LMO7: variants seen among roughly 807,000 people sequenced by gnomAD.
LMO7 encodes the protein LIM domain only protein 7.
A neutral mutation model predicts 206.5 loss-of-function variants in LMO7; 120 were observed. That is an observed-to-expected ratio of 0.58 (90% CI 0.50 to 0.68). The LOEUF (loss-of-function observed/expected upper bound fraction) is 0.68. Ranked by LOEUF, LMO7 falls within the 30% of genes least tolerant of loss-of-function variation. The probability of loss-of-function intolerance (pLI) is 0.00; values close to 1 mark genes in which losing one functional copy is unlikely to be tolerated. For missense variants in LMO7, 1,959 were observed against 1,957.9 expected (o/e 1.00, Z -0.01); for synonymous variants, 706 against 681.5 (o/e 1.04, Z -0.56).
At chr13:75,802,286 G>T (rs1159385722) in intron 7 of LMO7, among the ~76,000 whole-genome samples, 1 of 152,162 alleles carries the variant, frequency 6.6e-6, no homozygotes, top group Admixed American at 6.5e-5. Context: ...ACTGCCACAC[G>T]TATTGGCTGT....
rs1221155784 is a variant in LMO7 at position 75,622,446 on chromosome 13, T to C, written c.175+578T>C. The C allele has an allele frequency of 2.6e-5, 4 of 152,258 alleles. No individual in the cohort carries two copies. The East Asian group carries it at 7.7e-4, about 29-fold the overall frequency. 9.4% of individuals were successfully genotyped at this position (152,258 alleles called of 1,614,324 possible). On this transcript the variant is annotated intron_variant, in intron 1 of 29. Coordinates refer to the LMO7 transcript ENST00000341547. ...CTTTAGGTTTCTGTGTCCACTATTA[T>C]TAAGTCCTGCTGGAATTTACTTTGA... is the stretch of plus-strand genomic sequence containing the variant.
intron 1 of LMO7, among the ~76,000 whole-genome samples, chr13:75,703,823 A>G (rs1429095594): frequency 3.9e-5 from 6 of 152,136 alleles, no homozygotes; most frequent in Admixed American, 2.0e-4. Context: ...GACTTTTTCA[A>G]TCATTCTATT....
In LMO7 at chr13:75,841,734, AAGGAACCCGAGC is replaced by A; in HGVS notation, c.3787_3798del (p.Thr1263_Gly1266del). The A allele has an allele frequency of 6.2e-7, 1 of 1,614,068 alleles. No individual in the cohort carries two copies. The highest frequency in any genetic ancestry group is 8.5e-7 in the Non-Finnish European group (1 of 1,180,010). On this transcript the variant is annotated inframe_deletion, in exon 24 of 31. Transcript: ENST00000377534. ...GAAGGGTCCAAGTCTTCAGACAGAGAAGGAACCCGAGCAGGAGAAGAGGAGAGGAGACAGCCA... is the reference window on the plus strand; with the variant it reads ...GAAGGGTCCAAGTCTTCAGACAGAGAAGGAGAAGAGGAGAGGAGACAGCCA...
chr13:75,778,284 G>C (rs182664346), intron 4 of LMO7, among the ~76,000 whole-genome samples: 6 of 151,942 alleles, frequency 3.9e-5, no homozygotes, highest in African/African-American at 1.5e-4. Flanking sequence ...CCAGGCTGGA[G>C]TGCAGTGGTG....
At chr13:75,709,171 C>T (rs1235855738) in intron 1 of LMO7, among the ~76,000 whole-genome samples, 1 of 152,154 alleles carries the variant, frequency 6.6e-6, no homozygotes, top group Non-Finnish European at 1.5e-5. Context: ...TGTATATGTG[C>T]CACACTTTCT....
chr13:75,676,157 A>G (rs1279077194), intron 1 of LMO7, among the ~76,000 whole-genome samples: 1 of 152,196 alleles, frequency 6.6e-6, no homozygotes, highest in African/African-American at 2.4e-5. Flanking sequence ...GAATAAAATT[A>G]TGCTGTTATT....
At chr13:75,742,264 G>A (rs2046476987) in intron 3 of LMO7, among the ~76,000 whole-genome samples, 1 of 152,154 alleles carries the variant, frequency 6.6e-6, no homozygotes, top group Non-Finnish European at 1.5e-5. Flanking sequence ...AACATTTCAT[G>A]TTCATGAATT....
rs539395490 is a variant in LMO7 at position 75,732,993 on chromosome 13, CAGA to C, written c.210+5896_210+5898del. ...GATCGTTCCTCTGGAAGTTTTGTCT[CAGA>C]GGAGTTCCCAGCCATGTGAGGTGTC... is the stretch of plus-strand genomic sequence containing the variant. On this transcript the variant is annotated intron_variant, in intron 3 of 30. Coordinates refer to ENST00000377534, the MANE Select transcript of LMO7 (RefSeq NM_001306080.2). Among the ~76,000 whole-genome samples, 416 of 152,288 alleles carry C rather than the reference CAGA, an allele frequency of 2.7e-3. 3 individuals are homozygous for C. Among genetic ancestry groups the C allele is most frequent in the African/African-American group, 9.7e-3 (404 of 41,566 alleles).
chr13:75,811,887 T>G (rs1056697964), intron 11 of LMO7, among the ~76,000 whole-genome samples: 1 of 152,160 alleles, frequency 6.6e-6, no homozygotes, highest in African/African-American at 2.4e-5. Context: ...TAATAGGAAA[T>G]GAACACTGAT....
In LMO7 at chr13:75,843,021, T is replaced by A. The variant is rs527927978; in HGVS notation, c.4097+105T>A. The A allele has an allele frequency of 9.1e-5, 69 of 761,254 alleles. No individual in the cohort carries two copies. In the South Asian group the frequency reaches 1.0e-3, roughly 12 times the overall value. 47.2% of individuals were successfully genotyped at this position (761,254 alleles called of 1,614,324 possible). A position where few individuals can be genotyped will look rare whatever the true frequency, so the allele number is the denominator to read the frequency against. The stretch of plus-strand genomic sequence containing the variant: ...AGAACTACTTTAGCCCTTTGTCATT[T>A]GTGGGGTATAAAGAGGAATTGCTGG... On this transcript the variant is annotated intron_variant, in intron 25 of 30. Transcript: ENST00000377534.
upstream of LMO7, chr13:75,632,105 C>A (rs368091520): frequency 2.6e-4 from 40 of 152,160 alleles, 1 homozygote; most frequent in African/African-American, 9.2e-4. Context: ...TCTCAAATTC[C>A]TTTGAAAAAT....
chr13:75,811,208 C>CTTTT (rs764599899), intron 11 of LMO7, among the ~76,000 whole-genome samples: 1 of 130,700 alleles, frequency 7.7e-6, no homozygotes, highest in Non-Finnish European at 1.6e-5. Context: ...TTTTCTTTCT[C>CTTTT]TTTTTTTTTT....
At chr13:75,633,840 CCTTTT>C (rs1193065949), upstream of LMO7, among the ~76,000 whole-genome samples, 350 of 111,202 alleles carry the variant, frequency 3.1e-3, 4 homozygotes, top group East Asian at 0.01. Flanking sequence ...CGTGTCTTTT[CCTTTT>C]TTTTTTTTTT....
intron 4 of LMO7, among the ~76,000 whole-genome samples, chr13:75,761,701 T>C (rs931907627): frequency 1.3e-5 from 2 of 152,164 alleles, no homozygotes; most frequent in Admixed American, 1.3e-4. Flanking sequence ...TAAGCTCTTA[T>C]GATATTTATT....
intron 4 of LMO7, among the ~76,000 whole-genome samples, chr13:75,762,022 T>C (rs925761188): frequency 7.2e-5 from 11 of 152,268 alleles, no homozygotes; most frequent in South Asian, 4.1e-4. Context: ...TAACCAGCTA[T>C]GTAAGTATCT....
At chr13:75,819,591 A>G (rs1595277859) in intron 13 of LMO7, 56 bp downstream of exon 13, 7 of 1,443,326 alleles carry the variant, frequency 4.8e-6, no homozygotes, top group Non-Finnish European at 6.4e-6. Context: ...CAGTGTTATA[A>G]ATAGATATTT....
chr13:75,809,263 T>C, intron 11 of LMO7, 80 bp downstream of exon 11: 2 of 1,195,918 alleles, frequency 1.7e-6, no homozygotes, highest in Non-Finnish European at 2.5e-6. Context: ...TGGCATGGCA[T>C]GTCACTAAAT....
chr13:75,684,547 C>A (rs1304950980), intron 1 of LMO7, among the ~76,000 whole-genome samples: 1 of 128,962 alleles, frequency 7.8e-6, no homozygotes, highest in Non-Finnish European at 1.6e-5. Context: ...GCCCGGCCGG[C>A]TTTTTTTTTT....
In LMO7 at chr13:75,821,353, C is replaced by T. The variant is rs1375727451; in HGVS notation, c.2384C>T (p.Ser795Phe). 1.9e-6 allele frequency: 3 copies of T among 1,614,144 alleles called. No homozygotes were observed. The Admixed American group carries it at 5.0e-5, about 27-fold the overall frequency. Residue 795 changes from serine to phenylalanine, a missense_variant, in exon 14 of 31, where the codon TCT becomes TTT. Transcript: ENST00000377534. ...TYPSEIPKED[S>F]TTFAKREDRV... ...CCTTCAGAAATTCCCAAAGAAGATTCTACCACTTTTGCAAAAAGAGAGGAC... is the reference window on the plus strand; with the variant it reads ...CCTTCAGAAATTCCCAAAGAAGATTTTACCACTTTTGCAAAAAGAGAGGAC...
Sources: allele counts gnomAD v4.1 joint callset (sites outside exome capture counted in the v4.1 genomes callset), GRCh38; gene constraint gnomAD v4.1.1; transcripts MANE v1.5; gene names NCBI Gene and HGNC (gene_info 2026-07-23, HGNC 2026-07-21).